Variants in DOT1L observed in about 807,000 individuals in gnomAD.
DOT1L encodes the protein histone-lysine N-methyltransferase, H3 lysine-79 specific.
DOT1L carries 33 observed loss-of-function variants against 153.3 expected under a neutral mutation model. That is an observed-to-expected ratio of 0.22 (90% CI 0.16 to 0.29). DOT1L has a LOEUF of 0.29. Ranked by LOEUF, DOT1L falls within the 10% of genes least tolerant of loss-of-function variation. DOT1L has a pLI of 1.00. For missense variants in DOT1L, 1,847 were observed against 2,119.9 expected (o/e 0.87, Z 2.53); for synonymous variants, 1,135 against 965.1 (o/e 1.18, Z -3.26).
chr19:2,221,717 G>C, intron 23 of DOT1L: 1 of 484,986 alleles, frequency 2.1e-6, no homozygotes, highest in South Asian at 4.3e-5. Context: ...TTCTTGGGAG[G>C]CAGCGTCTCA....
Position 2,190,918 on chromosome 19 carries a change from C to A in DOT1L, c.265-94C>A. ...GGGACGAGAGGCCATGCAGCCGACTCCCTGCTTCCGCTGGGAAAGGTCCCG... is the reference window on the plus strand; with the variant it reads ...GGGACGAGAGGCCATGCAGCCGACTACCTGCTTCCGCTGGGAAAGGTCCCG... On this transcript the variant is annotated intron_variant, in intron 4 of 27. Coordinates refer to ENST00000398665, the MANE Select transcript of DOT1L (RefSeq NM_032482.3). The surrounding 1 kb of genome is among the most constrained non-coding windows in gnomAD (Gnocchi z 4.8). 1 of 1,261,086 alleles carries A rather than the reference C, an allele frequency of 7.9e-7. No homozygotes were observed. Among genetic ancestry groups the A allele is most frequent in the South Asian group, 1.4e-5 (1 of 73,802 alleles). The allele number at this position is 1,261,086 out of a possible 1,614,324, so 78.1% of individuals were successfully genotyped here. A position where few individuals can be genotyped will look rare whatever the true frequency, so the allele number is the denominator to read the frequency against.
rs1162909749 is a variant in DOT1L at position 2,223,473 on chromosome 19, C to T, written c.3583C>T (p.Pro1195Ser). The T allele has an allele frequency of 6.2e-7, 1 of 1,603,482 alleles. No homozygotes were observed. Among genetic ancestry groups the T allele is most frequent in the Admixed American group, 1.7e-5 (1 of 59,692 alleles). Residue 1195 changes from proline to serine, a missense_variant, in exon 25 of 28, where the codon CCC (proline) becomes TCC (serine). Around this residue, in one of 8 missense-constraint regions of DOT1L, gnomAD observed 934 missense variants for 825.3 expected, o/e 1.13. Coordinates refer to ENST00000398665, the MANE Select transcript of DOT1L (RefSeq NM_032482.3). ...CGAGGAGCCAGGCTCTGAGGACGAG[C>T]CCAGCAGTGCTCGGCGAGTCCAGGG... Reference protein sequence around the residue: ...SDEEPGSEDEPSSARIERKIA... With the variant: ...SDEEPGSEDESSSARIERKIA...
At chr19:2,179,401 G>A (rs544715510) in intron 1 of DOT1L, among the ~76,000 whole-genome samples, 1,571 of 152,258 alleles carry the variant, frequency 0.01, 31 homozygotes, top group African/African-American at 0.037. Context: ...CTGCCTGGGC[G>A]GCCTCTGACG....
At chr19:2,185,822 C>A (rs2022478527) in intron 2 of DOT1L, 33 bp from the exon 3 acceptor site, 1 of 1,609,380 alleles carries the variant, frequency 6.2e-7, no homozygotes, top group Non-Finnish European at 8.5e-7. Context: ...AAAAACCAAA[C>A]CCTTCCTGAT....
rs753328430 is a variant in DOT1L, at chr19:2,216,652, C to T, written c.2295C>T (p.Gly765=). ...GGCCGCGCCTGGAGAAGCTGTCTGGCCTAGCCGCACCCGACTACACTAGGC... is the reference window on the plus strand; with the variant it reads ...GGCCGCGCCTGGAGAAGCTGTCTGGTCTAGCCGCACCCGACTACACTAGGC... The part of the protein sequence containing the change: ...VGRPRLEKLS[G]LAAPDYTRLS... The change falls in exon 20 of 28, where the codon GGC becomes GGT. Residue 765 remains glycine (G), a synonymous_variant. Transcript: ENST00000398665. The T allele has an allele frequency of 6.2e-7, 1 of 1,604,956 alleles. No homozygotes were observed. The highest frequency in any genetic ancestry group is 8.5e-7 in the Non-Finnish European group (1 of 1,179,894).
chr19:2,199,960 G>A (rs950004321), intron 8 of DOT1L, 21 bp downstream of exon 8: 2 of 1,613,368 alleles, frequency 1.2e-6, no homozygotes, highest in Non-Finnish European at 8.5e-7. Flanking sequence ...CGTGGGGCAT[G>A]CAGGGCATGT....
chr19:2,228,773 G>A lies in DOT1L; in HGVS notation c.4607-1012G>A, dbSNP rs537827279. 35 of 985,436 alleles carry A rather than the reference G, an allele frequency of 3.6e-5. No individual in the cohort carries two copies. In the East Asian group the frequency reaches 2.2e-3, roughly 61 times the overall value. The allele number at this position is 985,436 out of a possible 1,614,324, so 61.0% of individuals were successfully genotyped here. On this transcript the variant is annotated intron_variant, in intron 27 of 27. Coordinates refer to ENST00000398665, the MANE Select transcript of DOT1L (RefSeq NM_032482.3). Reference sequence around the variant, plus strand: ...GCCCAGGTCACTCATGACGGGTGGCGTGGCTTGGTGCTGTTCCCCAGGCGC... The same window carrying A: ...GCCCAGGTCACTCATGACGGGTGGCATGGCTTGGTGCTGTTCCCCAGGCGC...
At chr19:2,227,665 C>T in intron 27 of DOT1L, 2 of 1,271,306 alleles carry the variant, frequency 1.6e-6, no homozygotes, top group Admixed American at 2.5e-5. Context: ...TTTTGTGAGC[C>T]TGCGGCTGCT....
chr19:2,229,589 C>T (rs1309566786), intron 27 of DOT1L, 196 bp from the exon 28 acceptor site: 1 of 985,352 alleles, frequency 1.0e-6, no homozygotes, highest in Non-Finnish European at 1.2e-6. Flanking sequence ...GTCCAGGTGT[C>T]AGGCTCCCTG....
In DOT1L at chr19:2,230,047, A is replaced by G. The variant is rs1336938089; in HGVS notation, c.*255A>G. On this transcript the variant is annotated 3_prime_UTR_variant, in exon 28 of 28. Transcript: ENST00000398665. ...AATTCTGACTTATTTTATTCCATCT[A>G]AGTGGTAAAAGGCAACTTATTGAGA... The G allele has an allele frequency of 1.1e-5, 7 of 626,144 alleles. No homozygotes were observed. The highest frequency in any genetic ancestry group is 1.9e-5 in the Non-Finnish European group (7 of 367,854). The allele number at this position is 626,144 out of a possible 1,614,324, so 38.8% of individuals were successfully genotyped here. A position where few individuals can be genotyped will look rare whatever the true frequency, so the allele number is the denominator to read the frequency against.
rs759226032 is a variant in DOT1L, at chr19:2,221,994, CGGT to C, written c.2828_2830del (p.Val943del). On this transcript the variant is annotated inframe_deletion, in exon 24 of 28. Transcript: ENST00000398665. ...CCGGCAGGCTTCTCCTACGCTGGCT[CGGT>C]GGCCATCAGCGGGGCCTTGGCGGGC... is the stretch of plus-strand genomic sequence containing the variant. 1.2e-6 allele frequency: 2 copies of C among 1,609,180 alleles called. No homozygotes were observed. The highest frequency in any genetic ancestry group is 1.3e-5 in the African/African-American group (1 of 74,994).
intron 1 of DOT1L, among the ~76,000 whole-genome samples, chr19:2,169,734 T>C (rs2020056452): frequency 1.3e-5 from 2 of 152,208 alleles, no homozygotes; most frequent in South Asian, 2.1e-4. Flanking sequence ...GAGCCTGTGC[T>C]CCCAGGTTGC....
Position 2,220,504 on chromosome 19 carries a change from C to G in DOT1L, c.2806+282C>G. The G allele has an allele frequency of 1.8e-6, 1 of 542,808 alleles. No individual in the cohort carries two copies. Among genetic ancestry groups the G allele is most frequent in the South Asian group, 1.5e-5 (1 of 65,344 alleles). 33.6% of individuals were successfully genotyped at this position (542,808 alleles called of 1,614,324 possible). On this transcript the variant is annotated intron_variant, in intron 23 of 27. Coordinates refer to ENST00000398665, the MANE Select transcript of DOT1L (RefSeq NM_032482.3). This position sits in a 1 kb window ranked among gnomAD's most constrained non-coding sequence, Gnocchi z 4.5. ...TCAGCCCGTGAGGTCGGCCCCAGTG[C>G]TCTCGGGGGCTCCTGTACTCACAGC...
rs1434923382 is a variant in DOT1L, at chr19:2,190,754, A to G, written c.265-258A>G. Among the ~76,000 whole-genome samples the G allele has an allele frequency of 2.7e-5, 4 of 150,658 alleles. No homozygotes were observed. Among genetic ancestry groups the G allele is most frequent in the East Asian group, 2.0e-4 (1 of 5,102 alleles). On this transcript the variant is annotated intron_variant, in intron 4 of 27. Transcript: ENST00000398665. The surrounding 1 kb of genome is among the most constrained non-coding windows in gnomAD (Gnocchi z 4.8). ...GGTTTTGGTGGTCTTGCCAGTGGGG[A>G]GAGAGGCCCGTGGCAGGAGGTGGAG...
rs551054552 is a variant in DOT1L, at chr19:2,231,996, G to C, written c.*2204G>C. On this transcript the variant is annotated 3_prime_UTR_variant, in exon 28 of 28. Transcript: ENST00000398665. ...GGTGGCTGCCTGCGGACACCCTCCT[G>C]TTCTGAGCCCTGGGCCTGTGTTCTT... 4.3e-5 allele frequency: 9 copies of C among 209,520 alleles called. 1 individual carries two copies. The South Asian group carries it at 9.4e-4, about 22-fold the overall frequency. The allele number at this position is 209,520 out of a possible 1,614,324, so 13.0% of individuals were successfully genotyped here.
chr19:2,167,729 CTTTTCTTTTTT>C (rs927038994), intron 1 of DOT1L, among the ~76,000 whole-genome samples: 1 of 128,114 alleles, frequency 7.8e-6, no homozygotes, highest in Non-Finnish European at 1.8e-5. Context: ...ATTTTCTTTT[CTTTTCTTTTTT>C]TTTTTTTTTT....
intron 1 of DOT1L, among the ~76,000 whole-genome samples, chr19:2,175,133 G>A (rs2144674907): frequency 6.6e-6 from 1 of 151,792 alleles, no homozygotes; most frequent in South Asian, 2.1e-4. Flanking sequence ...CAAGTAGCTG[G>A]GACTACAGGC....
At chr19:2,179,806 GA>G (rs2022141878) in intron 1 of DOT1L, among the ~76,000 whole-genome samples, 1 of 151,984 alleles carries the variant, frequency 6.6e-6, no homozygotes. Flanking sequence ...CAAACAAACA[GA>G]AAAAAGACAT....
At chr19:2,221,951 G>A in intron 23 of DOT1L, 25 bp from the exon 24 acceptor site, 1 of 1,572,446 alleles carries the variant, frequency 6.4e-7, no homozygotes, top group Non-Finnish European at 8.6e-7. Flanking sequence ...TGTGTCCCCT[G>A]AGACCCCCAT....
Sources: allele counts gnomAD v4.1 joint callset (sites outside exome capture counted in the v4.1 genomes callset), GRCh38; gene constraint gnomAD v4.1.1; regional missense constraint gnomAD v4.1.1; non-coding constraint Gnocchi (gnomAD v3.1); transcripts MANE v1.5; gene names NCBI Gene and HGNC (gene_info 2026-07-23, HGNC 2026-07-21).